The following CCDC77 variants were observed in gnomAD, a reference collection of about 807,000 sequenced individuals.
The protein encoded by CCDC77 is coiled-coil domain containing 77, also known as coiled-coil domain-containing protein 77.
In CCDC77, 56 loss-of-function variants were observed where a neutral mutation model predicts 66.8. That is an observed-to-expected ratio of 0.84 (90% CI 0.68 to 1.05). The LOEUF (loss-of-function observed/expected upper bound fraction) is 1.05. CCDC77 is among the 50% of genes least tolerant of loss of function. The pLI, the probability that CCDC77 is intolerant of heterozygous loss-of-function variation, is 0.00. For missense variants in CCDC77, 570 were observed against 576.8 expected, an observed-to-expected ratio of 0.99 and a Z score of 0.12; for synonymous variants, 196 against 195.2, an observed-to-expected ratio of 1.00 and a Z score of -0.03.
chr12:424,819 T>C (rs1288205825), intron 5 of CCDC77, among the ~76,000 whole-genome samples: 1 of 152,106 alleles, frequency 6.6e-6, no homozygotes, highest in Non-Finnish European at 1.5e-5. Flanking sequence ...TTAATTTTTG[T>C]ATACAGCATT....
At position 418,493 on chromosome 12, in the gene CCDC77, G is replaced by A. The variant is rs1305816310; in HGVS notation, c.271-1G>A. The A allele has an allele frequency of 6.2e-7, 1 of 1,613,546 alleles. No homozygotes were observed. The highest frequency in any genetic ancestry group is 8.5e-7 in the Non-Finnish European group (1 of 1,179,854). On this transcript the variant is annotated splice_acceptor_variant, in intron 4 of 12. Coordinates refer to ENST00000239830, the MANE Select transcript of CCDC77 (RefSeq NM_032358.4). LOFTEE classifies it high-confidence loss of function. ...ACTATCTTATTGTGGTTTTTTTGCA[G>A]CATAAACTTGAATGTGATTTGCAGC...
rs150984257 is a variant in CCDC77 at position 428,367 on chromosome 12, C to T, written c.414-402C>T. On this transcript the variant is annotated intron_variant, in intron 5 of 12. Coordinates refer to ENST00000239830, the MANE Select transcript of CCDC77 (RefSeq NM_032358.4). ...CTCTACTAAAAATACAAAAATTAGC[C>T]GGGCATAGTGGCGGGCGCCTGTAGT... is the stretch of plus-strand genomic sequence containing the variant. Among the ~76,000 whole-genome samples, 1,373 of 151,934 alleles carry T rather than the reference C, an allele frequency of 9.0e-3. 9 individuals are homozygous for T. The highest frequency in any genetic ancestry group is 0.034 in the Middle Eastern group (10 of 294).
intron 1 of CCDC77, among the ~76,000 whole-genome samples, chr12:395,771 G>A (rs1433557706): frequency 6.6e-6 from 1 of 152,114 alleles, no homozygotes; most frequent in African/African-American, 2.4e-5. Context: ...GTGCATGCCT[G>A]TAGTCCCAGC....
chr12:422,545 C>CA (rs1945422953), intron 5 of CCDC77, among the ~76,000 whole-genome samples: 1 of 152,258 alleles, frequency 6.6e-6, no homozygotes, highest in Non-Finnish European at 1.5e-5. Flanking sequence ...ATGCTTATTT[C>CA]ACTCAGCGTA....
chr12:441,963 T>C lies in CCDC77; in HGVS notation c.*43T>C, dbSNP rs769782476. On this transcript the variant is annotated 3_prime_UTR_variant, in exon 13 of 13. Transcript: ENST00000239830. ...GGCCCCCATTTAGAAGAGGTGTGCTTCTTGAAACCTGAGGACAAGGTCATC... is the reference window on the plus strand; with the variant it reads ...GGCCCCCATTTAGAAGAGGTGTGCTCCTTGAAACCTGAGGACAAGGTCATC... The C allele has an allele frequency of 1.2e-6, 2 of 1,606,368 alleles. No homozygotes were observed. Among genetic ancestry groups the C allele is most frequent in the East Asian group, 4.5e-5 (2 of 44,828 alleles).
At chr12:392,868 A>C (rs1944775237) in intron 1 of CCDC77, among the ~76,000 whole-genome samples, 1 of 152,034 alleles carries the variant, frequency 6.6e-6, no homozygotes, top group South Asian at 2.1e-4. Flanking sequence ...TCAATATAAA[A>C]CTTTTATATT....
At chr12:433,695 T>C (rs959020505) in intron 9 of CCDC77, among the ~76,000 whole-genome samples, 2 of 152,054 alleles carry the variant, frequency 1.3e-5, no homozygotes, top group Non-Finnish European at 2.9e-5. Context: ...ATATACTATC[T>C]GACTCAATGT....
intron 2 of CCDC77, 55 bp from the exon 3 acceptor site, chr12:409,313 T>G: frequency 4.8e-6 from 6 of 1,262,834 alleles, no homozygotes; most frequent in Non-Finnish European, 7.0e-6. Context: ...AATCCTGTAC[T>G]GTTTTTATTT....
chr12:395,745 T>C (rs1302655419), intron 1 of CCDC77, among the ~76,000 whole-genome samples: 2 of 151,832 alleles, frequency 1.3e-5, no homozygotes, highest in East Asian at 1.9e-4. Flanking sequence ...AATACAAAAA[T>C]TGGCTGGGCG....
At chr12:423,478 TG>T (rs368490914) in intron 5 of CCDC77, among the ~76,000 whole-genome samples, 554 of 17,726 alleles carry the variant, frequency 0.031, 60 homozygotes, top group African/African-American at 0.082. Context: ...GTGTTTTTTG[TG>T]TTTTTTTTTG....
chr12:423,501 T>G (rs1407358694), intron 5 of CCDC77, among the ~76,000 whole-genome samples: 14 of 103,130 alleles, frequency 1.4e-4, no homozygotes, highest in Admixed American at 2.2e-4. Flanking sequence ...TTTGTTTTTT[T>G]TTTTTTTTTT....
chr12:429,926 CTGTTTT>C (rs796515107), intron 6 of CCDC77, among the ~76,000 whole-genome samples: 1 of 152,138 alleles, frequency 6.6e-6, no homozygotes, highest in East Asian at 1.9e-4. Context: ...GTGCCCCAAG[CTGTTTT>C]TGTTTTTGTT....
Position 423,503 on chromosome 12 carries a change from T to TG in CCDC77, c.413+4867_413+4868insG, listed in dbSNP as rs1565572316. Among the ~76,000 whole-genome samples the TG allele has an allele frequency of 1.8e-4, 20 of 109,622 alleles. 1 individual carries two copies. The highest frequency in any genetic ancestry group is 5.0e-4 in the Admixed American group (5 of 10,090). The allele number at this position is 109,622 out of a possible 152,430, so 71.9% of individuals were successfully genotyped here. On this transcript the variant is annotated intron_variant, in intron 5 of 12. Coordinates refer to ENST00000239830, the MANE Select transcript of CCDC77 (RefSeq NM_032358.4). ...TGTTTTTTTTTGTTTTGTTTTTTTT[T>TG]TTTTTTTTTTGAGACAGGGTCTTGC...
intron 1 of CCDC77, among the ~76,000 whole-genome samples, chr12:389,785 A>T (rs186012388): frequency 3.3e-4 from 50 of 152,328 alleles, no homozygotes; most frequent in African/African-American, 1.1e-3. Context: ...TGCTGCGTTT[A>T]TAGCAAGTAG....
At chr12:441,059 C>T (rs1945849688) in intron 12 of CCDC77, 63 bp downstream of exon 12, 26 of 1,537,208 alleles carry the variant, frequency 1.7e-5, no homozygotes, top group South Asian at 5.6e-5. Context: ...AACATGGTCA[C>T]GAGGGCCCCT....
chr12:423,512 T>TTTTTTG (rs1945473832), intron 5 of CCDC77, among the ~76,000 whole-genome samples: 1 of 122,916 alleles, frequency 8.1e-6, no homozygotes, highest in Non-Finnish European at 1.6e-5. Context: ...TTTTTTTTTT[T>TTTTTTG]TGAGACAGGG....
chr12:434,550 C>T (rs1317906184), intron 9 of CCDC77, among the ~76,000 whole-genome samples: 1 of 152,076 alleles, frequency 6.6e-6, no homozygotes, highest in Non-Finnish European at 1.5e-5. Context: ...CGGGGTGTCA[C>T]TGTGTTAGCC....
chr12:438,707 G>C lies in CCDC77; in HGVS notation c.1041+153G>C, dbSNP rs1230472964. 5.1e-6 allele frequency: 3 copies of C among 592,092 alleles called. No individual in the cohort carries two copies. The Admixed American group carries it at 9.6e-5, about 19-fold the overall frequency. 36.7% of individuals were successfully genotyped at this position (592,092 alleles called of 1,614,324 possible). A position where few individuals can be genotyped will look rare whatever the true frequency, so the allele number is the denominator to read the frequency against. On this transcript the variant is annotated intron_variant, in intron 10 of 12. Coordinates refer to ENST00000239830, the MANE Select transcript of CCDC77 (RefSeq NM_032358.4). ...ACTAGGTTTCAAAGAGCAGCTGATC[G>C]TTGTAGTATTTGGGGATTCAAAATA...
rs139991067 is a variant in CCDC77 at position 441,866 on chromosome 12, G to A, written c.1413G>A (p.Leu471=). The change falls in exon 13 of 13, where the codon CTG becomes CTA. Residue 471 remains leucine, a synonymous_variant. Transcript: ENST00000239830. ...GGGCACATAAGATACAAGGAGAACT[G>A]AAGAATCTTAAGTCGAAAGTGTTTG... ...NRRAHKIQGE[L]KNLKSKVFGL... 1 of 1,613,594 alleles carries A rather than the reference G, an allele frequency of 6.2e-7. No homozygotes were observed. The highest frequency in any genetic ancestry group is 1.3e-5 in the African/African-American group (1 of 74,848).
Sources: gnomAD v4.1 joint callset for allele counts (sites outside exome capture counted in the v4.1 genomes callset) on GRCh38, gnomAD v4.1.1 for gene constraint, MANE v1.5 for transcripts, NCBI Gene and HGNC (gene_info 2026-07-23, HGNC 2026-07-21) for gene names.